NRXN2: variants seen among roughly 807,000 people sequenced by gnomAD.
NRXN2 encodes neurexin-2-beta.
In NRXN2, 29 loss-of-function variants were observed where a neutral mutation model predicts 128.8. The observed-to-expected ratio is 0.23, with a 90% confidence interval of 0.17 to 0.31. NRXN2 has a LOEUF of 0.31. Ranked by LOEUF, NRXN2 falls within the 10% of genes least tolerant of loss-of-function variation. The probability of loss-of-function intolerance (pLI) is 1.00; values close to 1 mark genes in which losing one functional copy is unlikely to be tolerated. For missense variants in NRXN2, 1,881 were observed against 2,452.6 expected (o/e 0.77, Z 4.92); for synonymous variants, 1,098 against 1,075.2 (o/e 1.02, Z -0.41).
chr11:64,683,778 C>A (rs2052636802), intron 6 of NRXN2, among the ~76,000 whole-genome samples: 1 of 152,212 alleles, frequency 6.6e-6, no homozygotes, highest in East Asian at 1.9e-4. Context: ...TCTGGTAGAA[C>A]AATCCAGGGG....
chr11:64,675,221 C>A (rs998403756), intron 7 of NRXN2: 2 of 152,284 alleles, frequency 1.3e-5, no homozygotes, highest in Non-Finnish European at 2.9e-5. Flanking sequence ...AACAAGAAAC[C>A]TGGCACTGTA....
chr11:64,653,277 T>C (rs893004697), intron 12 of NRXN2, among the ~76,000 whole-genome samples: 1 of 152,062 alleles, frequency 6.6e-6, no homozygotes, highest in Non-Finnish European at 1.5e-5. Flanking sequence ...CCTTCCCCCT[T>C]GTGGCCAATT....
chr11:64,690,605 C>G, intron 4 of NRXN2, 129 bp from the exon 5 acceptor site: 1 of 800,122 alleles, frequency 1.2e-6, no homozygotes, highest in East Asian at 2.7e-5. Flanking sequence ...AGAGGCTTTT[C>G]TGGGGACTCC....
At chr11:64,613,311 C>T (rs754440357) in intron 22 of NRXN2, among the ~76,000 whole-genome samples, 6 of 152,250 alleles carry the variant, frequency 3.9e-5, no homozygotes, top group Non-Finnish European at 7.3e-5. Context: ...GTCTGAGTTC[C>T]GTGTGCACAT....
chr11:64,692,334 G>A (rs1592149683), intron 4 of NRXN2, among the ~76,000 whole-genome samples: 1 of 152,130 alleles, frequency 6.6e-6, no homozygotes, highest in Non-Finnish European at 1.5e-5. Flanking sequence ...TTCCCTTCTC[G>A]TCATGGATGG....
chr11:64,642,894 G>A, intron 17 of NRXN2: 1 of 1,032,036 alleles, frequency 9.7e-7, no homozygotes, highest in Non-Finnish European at 1.2e-6. Context: ...CCGGCTCCGA[G>A]CTCCGGGAGC....
Position 64,668,549 on chromosome 11 carries a change from T to C in NRXN2, c.1253A>G (p.Tyr418Cys). The C allele has an allele frequency of 6.2e-7, 1 of 1,613,926 alleles. No individual in the cohort carries two copies. Among genetic ancestry groups the C allele is most frequent in the Non-Finnish European group, 8.5e-7 (1 of 1,179,952 alleles). Residue 418 changes from tyrosine (Y) to cysteine (C), a missense_variant, in exon 8 of 23, where the codon TAC becomes TGC. Transcript: ENST00000265459. ...GAAGTCATCAGAGCCCAGCATGGTG[T>C]AATCCTCCTGCGTGTAGCCTGTGGT... ...LTTTGYTQED[Y>C]TMLGSDDFFY... is the part of the protein sequence containing the mutation.
At chr11:64,621,059 C>T (rs977886423) in intron 21 of NRXN2, among the ~76,000 whole-genome samples, 1 of 151,900 alleles carries the variant, frequency 6.6e-6, no homozygotes, top group Non-Finnish European at 1.5e-5. Flanking sequence ...GAAGGGAGCG[C>T]GAGAAACTGC....
Position 64,713,145 on chromosome 11 carries a change from G to C in NRXN2, c.555C>G (p.Gly185=). ...FRGLLANLKL[G]ERPPALLGSQ... is the part of the protein sequence containing the mutation. ...TGCCCAGCAGCGCGGGGGGCCGCTC[G>C]CCCAGCTTCAGGTTGGCCAAGAGGC... Residue 185 remains glycine (G), a synonymous_variant, in exon 2 of 23, where the codon GGC becomes GGG. Transcript: ENST00000265459. The C allele has an allele frequency of 1.4e-6, 2 of 1,439,900 alleles. No homozygotes were observed. Among genetic ancestry groups the C allele is most frequent in the Non-Finnish European group, 1.8e-6 (2 of 1,096,792 alleles). The allele number at this position is 1,439,900 out of a possible 1,614,324, so 89.2% of individuals were successfully genotyped here.
At chr11:64,677,906 G>A (rs953837584) in intron 6 of NRXN2, among the ~76,000 whole-genome samples, 2 of 152,202 alleles carry the variant, frequency 1.3e-5, no homozygotes, top group Non-Finnish European at 2.9e-5. Context: ...TGGCTATCAG[G>A]CTGGGAGAAG....
chr11:64,653,809 G>C, intron 11 of NRXN2, 87 bp from the exon 12 acceptor site: 1 of 997,322 alleles, frequency 1.0e-6, no homozygotes, highest in South Asian at 1.4e-5. Context: ...TCACAGGGAG[G>C]GGTGTCTGCG....
chr11:64,618,475 A>G (rs1214480266), intron 22 of NRXN2, among the ~76,000 whole-genome samples: 1 of 152,208 alleles, frequency 6.6e-6, no homozygotes, highest in Admixed American at 6.5e-5. Context: ...CGTTGTCCCC[A>G]GAGCCCCGTC....
intron 17 of NRXN2, among the ~76,000 whole-genome samples, chr11:64,638,154 C>G (rs559185556): frequency 1.3e-5 from 2 of 152,344 alleles, no homozygotes; most frequent in Admixed American, 6.5e-5. Context: ...GCCCCCGAGG[C>G]CCGCGGCGCA....
intron 6 of NRXN2, among the ~76,000 whole-genome samples, chr11:64,685,378 A>G (rs575373592): frequency 6.6e-5 from 10 of 152,112 alleles, no homozygotes; most frequent in East Asian, 5.8e-4. Flanking sequence ...GCTCCCAACA[A>G]TCTGAGCCCA....
chr11:64,721,847 G>A (rs554644927), intron 1 of NRXN2, among the ~76,000 whole-genome samples: 37 of 152,088 alleles, frequency 2.4e-4, no homozygotes, highest in African/African-American at 8.7e-4. Flanking sequence ...AGGGACTGGG[G>A]ACCCAAGACC....
At chr11:64,720,585 G>A (rs746798169) in intron 1 of NRXN2, among the ~76,000 whole-genome samples, 8 of 152,294 alleles carry the variant, frequency 5.3e-5, no homozygotes, top group Non-Finnish European at 8.8e-5. Flanking sequence ...GCCCTGCGCC[G>A]AAGGTACAAA....
chr11:64,643,274 G>C, intron 17 of NRXN2: 1 of 980,600 alleles, frequency 1.0e-6, no homozygotes, highest in Non-Finnish European at 1.2e-6. Context: ...CCCCGAAGGC[G>C]GGAGACCGAC....
intron 2 of NRXN2, among the ~76,000 whole-genome samples, chr11:64,706,952 A>ATTT (rs371730762): frequency 7.4e-6 from 1 of 135,148 alleles, no homozygotes; most frequent in African/African-American, 2.7e-5. Context: ...GTGTATCCCC[A>ATTT]TTTTTTTTTT....
At chr11:64,722,042 A>G (rs2057446872) in intron 1 of NRXN2, among the ~76,000 whole-genome samples, 1 of 152,062 alleles carries the variant, frequency 6.6e-6, no homozygotes, top group African/African-American at 2.4e-5. Flanking sequence ...GTGCCCCAAA[A>G]GCCCATCAAG....
Sources: allele counts gnomAD v4.1 joint callset (sites outside exome capture counted in the v4.1 genomes callset), GRCh38; gene constraint gnomAD v4.1.1; transcripts MANE v1.5; gene names NCBI Gene and HGNC (gene_info 2026-07-23, HGNC 2026-07-21).